NPVF: variants seen among roughly 807,000 people sequenced by gnomAD.
NPVF encodes pro-FMRFamide-related neuropeptide VF.
Under a neutral mutation model 15.7 loss-of-function variants are expected in NPVF, and 17 were observed. The ratio of observed to expected loss-of-function variants is 1.08; its 90% CI spans 0.74 to 1.62. The LOEUF is 1.62. Among genes scored for constraint, NPVF ranks in the 40% most tolerant of loss-of-function variants. The pLI, the probability that NPVF is intolerant of heterozygous loss-of-function variation, is 0.00. For missense variants in NPVF, 270 were observed against 225.2 expected, an observed-to-expected ratio of 1.20 and a Z score of -1.27; for synonymous variants, 70 against 80.1, an observed-to-expected ratio of 0.87 and a Z score of 0.67.
At position 25,226,968 on chromosome 7, in the gene NPVF, C is replaced by T; in HGVS notation, c.197G>A (p.Gly66Glu). The change falls in exon 2 of 3, where the codon GGA becomes GAA. Residue 66 changes from glycine (G) to glutamate (E), a missense_variant. Physicochemically the swap from Gly to Glu is moderately conservative, Grantham distance 98 (BLOSUM62 -2). Transcript: ENST00000222674. Reference protein sequence around the residue: ...SLNFEELKDWGPKNVIKMSTP... With the variant: ...SLNFEELKDWEPKNVIKMSTP... ...ACTCATCTTAATAACATTTTTTGGT[C>T]CCCAATCTTTTAATTCCTCAAAATT... 1 of 1,613,928 alleles carries T rather than the reference C, an allele frequency of 6.2e-7. No homozygotes were observed. Among genetic ancestry groups the T allele is most frequent in the Non-Finnish European group, 8.5e-7 (1 of 1,179,934 alleles).
Position 25,228,462 on chromosome 7 carries a change from T to C in NPVF, c.-23A>G, listed in dbSNP as rs1365091694. Reference sequence around the variant, plus strand: ...CATTTTGTCTAAATCTAAAATTAAGTCTCTATGTGCAGCCCAATGTTTATG... The same window carrying C: ...CATTTTGTCTAAATCTAAAATTAAGCCTCTATGTGCAGCCCAATGTTTATG... On this transcript the variant is annotated 5_prime_UTR_variant, in exon 1 of 3. Transcript: ENST00000222674. 2 of 1,562,466 alleles carry C rather than the reference T, an allele frequency of 1.3e-6. No individual in the cohort carries two copies. The highest frequency in any genetic ancestry group is 2.7e-5 in the African/African-American group (2 of 73,352).
At position 25,225,103 on chromosome 7, in the gene NPVF, G is replaced by T. The variant is rs1361827263; in HGVS notation, c.*19C>A. ...TTGTAGATTACAGGCCACAGCTTTA[G>T]GGACAGGCTCCAGGTTTCTTATTTT... On this transcript the variant is annotated 3_prime_UTR_variant, in exon 3 of 3. Coordinates refer to ENST00000222674, the MANE Select transcript of NPVF (RefSeq NM_022150.3). 3.7e-6 allele frequency: 6 copies of T among 1,610,544 alleles called. No individual in the cohort carries two copies. Among genetic ancestry groups the T allele is most frequent in the Non-Finnish European group, 5.1e-6 (6 of 1,177,794 alleles).
At position 25,226,783 on chromosome 7, in the gene NPVF, G is replaced by A; in HGVS notation, c.382C>T (p.Pro128Ser). 6.2e-7 allele frequency: 1 copy of A among 1,614,110 alleles called. No individual in the cohort carries two copies. Among genetic ancestry groups the A allele is most frequent in the Non-Finnish European group, 8.5e-7 (1 of 1,179,994 alleles). The part of the protein sequence containing the change: ...VSLVRRVPNL[P>S]QRFGRTTTAK... ...GTTGTTGTTCTCCCAAACCTTTGGG[G>A]CAGGTTAGGAACACGTCTCACGAGG... is the stretch of plus-strand genomic sequence containing the variant. Residue 128 changes from proline (P) to serine (S), a missense_variant, in exon 2 of 3, where the codon CCC becomes TCC. Pro to Ser is a moderately conservative substitution (Grantham distance 74). Transcript: ENST00000222674.
At position 25,228,303 on chromosome 7, in the gene NPVF, T is replaced by G. The variant is rs1367064429; in HGVS notation, c.137A>C (p.Glu46Ala). The G allele has an allele frequency of 6.8e-7, 1 of 1,464,214 alleles. No individual in the cohort carries two copies. Among genetic ancestry groups the G allele is most frequent in the Non-Finnish European group, 9.5e-7 (1 of 1,048,244 alleles). The allele number at this position is 1,464,214 out of a possible 1,614,324, so 90.7% of individuals were successfully genotyped here. The change falls in exon 1 of 3, where the codon GAG (glutamate) becomes GCG (alanine). Residue 46 changes from glutamate (E) to alanine (A), a missense_variant and splice_region_variant. Transcript: ENST00000222674. Reference sequence around the variant, plus strand: ...ATTAGAGAGATTTAAAAAACTTACCTCAGAATATTTGTCATAATTTTCTTT... The same window carrying G: ...ATTAGAGAGATTTAAAAAACTTACCGCAGAATATTTGTCATAATTTTCTTT... ...HSKENYDKYS[E>A]PRGYPKGERS...
rs1783132881 is a variant in NPVF at position 25,226,644 on chromosome 7, G to A, written c.521C>T (p.Pro174Leu). 2.5e-6 allele frequency: 4 copies of A among 1,613,590 alleles called. No homozygotes were observed. Among genetic ancestry groups the A allele is most frequent in the African/African-American group, 2.7e-5 (2 of 74,898 alleles). Residue 174 changes from proline to leucine, a missense_variant, in exon 2 of 3, where the codon CCC (proline) becomes CTC (leucine). By Grantham distance (98) the Pro-to-Leu change is moderately conservative (BLOSUM62 -3). Coordinates refer to ENST00000222674, the MANE Select transcript of NPVF (RefSeq NM_022150.3). ...TATTTACCTTGACTGTTTTTGATCG[G>A]GATTCTGGATTTCTTGGTGCTGGCA... is the stretch of plus-strand genomic sequence containing the variant. ...MTCQHQEIQN[P>L]DQKQSRRLLF...
At position 25,225,925 on chromosome 7, in the gene NPVF, G is replaced by A. The variant is rs1248726961; in HGVS notation, c.539+701C>T. On this transcript the variant is annotated intron_variant, in intron 2 of 2. Transcript: ENST00000222674. ...TATGTCAGATGGGATAAGTACCATG[G>A]AAAAGAACAAACCTGGAGTGTCCTG... Among the ~76,000 whole-genome samples the A allele has an allele frequency of 3.3e-5, 5 of 152,258 alleles. No homozygotes were observed. The South Asian group carries it at 8.3e-4, about 25-fold the overall frequency.
chr7:25,228,216 C>T, intron 1 of NPVF, 86 bp downstream of exon 1: 1 of 960,338 alleles, frequency 1.0e-6, no homozygotes, highest in Non-Finnish European at 1.6e-6. Context: ...CACCAACTTA[C>T]TTCTTAGTCT....
rs950017924 is a variant in NPVF at position 25,226,761 on chromosome 7, G to T, written c.404C>A (p.Thr135Lys). ...PNLPQRFGRT[T>K]TAKSVCRMLS... ...CATCCTGCAGACACTTTTGGCTGTT[G>T]TTGTTCTCCCAAACCTTTGGGGCAG... The change falls in exon 2 of 3, where the codon ACA becomes AAA. Residue 135 changes from threonine (T) to lysine (K), a missense_variant. By Grantham distance (78) the Thr-to-Lys change is moderately conservative. Transcript: ENST00000222674. 2.5e-6 allele frequency: 4 copies of T among 1,614,056 alleles called. No homozygotes were observed. The highest frequency in any genetic ancestry group is 2.5e-6 in the Non-Finnish European group (3 of 1,180,036).
At position 25,224,964 on chromosome 7, in the gene NPVF, C is replaced by A; in HGVS notation, c.*158G>T. 1 of 522,550 alleles carries A rather than the reference C, an allele frequency of 1.9e-6. No individual in the cohort carries two copies. The highest frequency in any genetic ancestry group is 3.4e-6 in the Non-Finnish European group (1 of 293,188). The allele number at this position is 522,550 out of a possible 1,614,324, so 32.4% of individuals were successfully genotyped here. A position where few individuals can be genotyped will look rare whatever the true frequency, so the allele number is the denominator to read the frequency against. ...TAACAAATATGCTTTAATTTTTTTA[C>A]AACTTTCAAGATACTATTATAGCTG... On this transcript the variant is annotated 3_prime_UTR_variant, in exon 3 of 3. Coordinates refer to ENST00000222674, the MANE Select transcript of NPVF (RefSeq NM_022150.3).
At chr7:25,227,258 T>A (rs1446030193) in intron 1 of NPVF, among the ~76,000 whole-genome samples, 2 of 152,202 alleles carry the variant, frequency 1.3e-5, no homozygotes, top group African/African-American at 4.8e-5. Flanking sequence ...ATAAAATATA[T>A]ATAGTGAATA....
chr7:25,225,054 G>A lies in NPVF; in HGVS notation c.*68C>T, dbSNP rs368412736. Reference sequence around the variant, plus strand: ...ATGAAGTGTATGTAGCTACTCTTCCGTGTGGTCTTCGCTATAGAGCCATTT... The same window carrying A: ...ATGAAGTGTATGTAGCTACTCTTCCATGTGGTCTTCGCTATAGAGCCATTT... On this transcript the variant is annotated 3_prime_UTR_variant, in exon 3 of 3. Coordinates refer to ENST00000222674, the MANE Select transcript of NPVF (RefSeq NM_022150.3). The A allele has an allele frequency of 4.9e-4, 664 of 1,352,678 alleles. 3 individuals are homozygous for A. The Middle Eastern group carries it at 8.8e-3, about 18-fold the overall frequency. The allele number at this position is 1,352,678 out of a possible 1,614,324, so 83.8% of individuals were successfully genotyped here.
intron 2 of NPVF, among the ~76,000 whole-genome samples, chr7:25,226,181 T>C (rs1037644710): frequency 6.6e-6 from 1 of 152,198 alleles, no homozygotes. Context: ...GTTTATAAGA[T>C]GAGATCCAGA....
chr7:25,224,772 T>A lies in NPVF; in HGVS notation c.*350A>T, dbSNP rs1461815886. Reference sequence around the variant, plus strand: ...ACTATTTAATTTCCATCATAATGTTTTTCAGGGTGCTCTTCTGTTTAATTT... The same window carrying A: ...ACTATTTAATTTCCATCATAATGTTATTCAGGGTGCTCTTCTGTTTAATTT... On this transcript the variant is annotated 3_prime_UTR_variant, in exon 3 of 3. Transcript: ENST00000222674. The A allele has an allele frequency of 4.8e-6, 1 of 209,806 alleles. No homozygotes were observed. The highest frequency in any genetic ancestry group is 9.3e-6 in the Non-Finnish European group (1 of 107,096). The allele number at this position is 209,806 out of a possible 1,614,324, so 13.0% of individuals were successfully genotyped here. A position where few individuals can be genotyped will look rare whatever the true frequency, so the allele number is the denominator to read the frequency against.
intron 2 of NPVF, among the ~76,000 whole-genome samples, chr7:25,226,280 A>G (rs1783127171): frequency 6.6e-6 from 1 of 152,224 alleles, no homozygotes; most frequent in Non-Finnish European, 1.5e-5. Context: ...TTGCACCTGA[A>G]CAACTCTCTC....
At position 25,228,446 on chromosome 7, in the gene NPVF, T is replaced by C. The variant is rs370554809; in HGVS notation, c.-7A>G. ...TTGATGAAATAATTTCCATTTTGTC[T>C]AAATCTAAAATTAAGTCTCTATGTG... On this transcript the variant is annotated 5_prime_UTR_variant, in exon 1 of 3. Transcript: ENST00000222674. The C allele has an allele frequency of 2.3e-5, 37 of 1,578,734 alleles. No homozygotes were observed. Among genetic ancestry groups the C allele is most frequent in the Non-Finnish European group, 9.5e-6 (11 of 1,153,902 alleles).
At chr7:25,228,161 A>G (rs1236467650) in intron 1 of NPVF, 141 bp downstream of exon 1, 1 of 633,434 alleles carries the variant, frequency 1.6e-6, no homozygotes, top group African/African-American at 1.8e-5. Flanking sequence ...TGACATTTAT[A>G]CATTGTCAGA....
In NPVF at chr7:25,226,811, C is replaced by T. The variant is rs750702117; in HGVS notation, c.354G>A (p.Val118=). 1.2e-6 allele frequency: 2 copies of T among 1,614,146 alleles called. No homozygotes were observed. The highest frequency in any genetic ancestry group is 2.2e-5 in the South Asian group (2 of 91,080). Residue 118 remains valine, a synonymous_variant, in exon 2 of 3, where the codon GTG becomes GTA. Coordinates refer to ENST00000222674, the MANE Select transcript of NPVF (RefSeq NM_022150.3). ...LPLRSGRNME[V]SLVRRVPNLP... is the part of the protein sequence containing the mutation. ...GGTTAGGAACACGTCTCACGAGGCT[C>T]ACCTCCATATTTCTTCCAGATCTCA... is the stretch of plus-strand genomic sequence containing the variant.
At chr7:25,226,492 G>A in intron 2 of NPVF, 134 bp downstream of exon 2, 1 of 1,035,252 alleles carries the variant, frequency 9.7e-7, no homozygotes, top group Non-Finnish European at 1.4e-6. Context: ...AGTTCCTTGT[G>A]TCTTTGCCTC....
chr7:25,225,009 C>A lies in NPVF; in HGVS notation c.*113G>T. 1 of 781,796 alleles carries A rather than the reference C, an allele frequency of 1.3e-6. No homozygotes were observed. The highest frequency in any genetic ancestry group is 2.1e-6 in the Non-Finnish European group (1 of 474,410). 48.4% of individuals were successfully genotyped at this position (781,796 alleles called of 1,614,324 possible). The stretch of plus-strand genomic sequence containing the variant: ...TAGCTGTACTGACAAGGAAAAATTG[C>A]CGTTGATGATCCATAGCTGATGAAG... On this transcript the variant is annotated 3_prime_UTR_variant, in exon 3 of 3. Transcript: ENST00000222674.
Sources: allele counts gnomAD v4.1 joint callset (sites outside exome capture counted in the v4.1 genomes callset), GRCh38; gene constraint gnomAD v4.1.1; transcripts MANE v1.5; gene names NCBI Gene and HGNC (gene_info 2026-07-23, HGNC 2026-07-21).